Variants in PLXDC2 observed in about 807,000 individuals in gnomAD.
PLXDC2 encodes plexin domain containing 2.
A neutral mutation model predicts 68.9 loss-of-function variants in PLXDC2; 40 were observed. The observed-to-expected ratio is 0.58, with a 90% CI of 0.45 to 0.76. The LOEUF is 0.76. Ranked by LOEUF, PLXDC2 falls within the 30% of genes least tolerant of loss-of-function variation. The pLI, the probability that PLXDC2 is intolerant of heterozygous loss-of-function variation, is 0.00. For synonymous variants in PLXDC2, 243 were observed against 234.2 expected (o/e 1.04, Z -0.34); for missense variants, 644 against 661.9 (o/e 0.97, Z 0.30).
At chr10:20,054,120 G>C (rs555247573) in intron 3 of PLXDC2, among the ~76,000 whole-genome samples, 1 of 152,050 alleles carries the variant, frequency 6.6e-6, no homozygotes, top group Non-Finnish European at 1.5e-5. Context: ...GGAAAATTTG[G>C]CCAAGAGCAG....
At chr10:20,123,979 TGAA>T (rs1418336429) in intron 4 of PLXDC2, among the ~76,000 whole-genome samples, 1 of 148,784 alleles carries the variant, frequency 6.7e-6, no homozygotes, top group Admixed American at 6.7e-5. Flanking sequence ...CTGCTAAGGG[TGAA>T]GAAGAAGGGG....
At chr10:19,904,663 T>C (rs1838211451) in intron 1 of PLXDC2, among the ~76,000 whole-genome samples, 1 of 152,164 alleles carries the variant, frequency 6.6e-6, no homozygotes, top group Non-Finnish European at 1.5e-5. Flanking sequence ...TTCTCTTGGA[T>C]TTCTTGGTAT....
chr10:19,865,935 A>T (rs1440505704), intron 1 of PLXDC2, among the ~76,000 whole-genome samples: 1 of 152,134 alleles, frequency 6.6e-6, no homozygotes, highest in East Asian at 1.9e-4. Context: ...CCTGATTATT[A>T]TTTCAGCCAT....
chr10:20,136,478 C>T (rs936916268), intron 4 of PLXDC2, among the ~76,000 whole-genome samples: 1 of 152,130 alleles, frequency 6.6e-6, no homozygotes, highest in African/African-American at 2.4e-5. Flanking sequence ...AGCAACTTGT[C>T]CACCACCAAC....
At chr10:20,039,766 A>G (rs1027355148) in intron 2 of PLXDC2, among the ~76,000 whole-genome samples, 1 of 152,208 alleles carries the variant, frequency 6.6e-6, no homozygotes, top group African/African-American at 2.4e-5. Flanking sequence ...AATAATACAG[A>G]TGAGAGGGAG....
At chr10:19,888,521 G>A (rs1837889181) in intron 1 of PLXDC2, among the ~76,000 whole-genome samples, 1 of 152,054 alleles carries the variant, frequency 6.6e-6, no homozygotes, top group Non-Finnish European at 1.5e-5. Context: ...GGGAAGAAAA[G>A]CAAGTCAGTG....
chr10:20,089,475 T>G lies in PLXDC2; in HGVS notation c.541+21236T>G, dbSNP rs147492701. Among the ~76,000 whole-genome samples the G allele has an allele frequency of 3.7e-4, 56 of 152,030 alleles. 1 individual carries two copies. Among genetic ancestry groups the G allele is most frequent in the Non-Finnish European group, 7.2e-4 (49 of 67,956 alleles). ...TTGTCCCTAAGATTCATGGTGAGAG[T>G]TACTAAGAGAGAAGGCCAGGAAGAC... On this transcript the variant is annotated intron_variant, in intron 4 of 13. Transcript: ENST00000377252.
At chr10:19,977,745 G>A (rs1834483113) in intron 1 of PLXDC2, among the ~76,000 whole-genome samples, 1 of 152,036 alleles carries the variant, frequency 6.6e-6, no homozygotes, top group Non-Finnish European at 1.5e-5. Context: ...CAGAGGGGGT[G>A]GGGTGGGGAA....
intron 9 of PLXDC2, among the ~76,000 whole-genome samples, chr10:20,187,778 A>G (rs571998208): frequency 6.6e-6 from 1 of 152,042 alleles, no homozygotes; most frequent in African/African-American, 2.4e-5. Flanking sequence ...AAAAATCAGA[A>G]TCGATCTCGA....
intron 2 of PLXDC2, among the ~76,000 whole-genome samples, chr10:20,044,122 T>TCCTTCCTCCCTC (rs71388894): frequency 3.1e-4 from 31 of 99,770 alleles, no homozygotes; most frequent in African/African-American, 1.2e-3. Context: ...CTTCCTTCCT[T>TCCTTCCTCCCTC]CCTCCCTCCC....
At chr10:20,204,749 ATCTG>A (rs913419468) in intron 9 of PLXDC2, among the ~76,000 whole-genome samples, 3 of 152,160 alleles carry the variant, frequency 2.0e-5, no homozygotes, top group African/African-American at 7.2e-5. Context: ...TTACACATTT[ATCTG>A]TGTCTGTTTT....
chr10:20,059,448 A>T (rs1441799478), intron 3 of PLXDC2, among the ~76,000 whole-genome samples: 1 of 152,244 alleles, frequency 6.6e-6, no homozygotes, highest in Non-Finnish European at 1.5e-5. Flanking sequence ...GTGCACCACC[A>T]TCAGCTAATT....
At chr10:20,009,723 G>A (rs976687556) in intron 2 of PLXDC2, among the ~76,000 whole-genome samples, 2 of 149,170 alleles carry the variant, frequency 1.3e-5, no homozygotes, top group Non-Finnish European at 3.0e-5. Context: ...AAGATAGCCA[G>A]GTGTCAAGGT....
intron 1 of PLXDC2, among the ~76,000 whole-genome samples, chr10:19,860,922 C>T (rs757148834): frequency 4.6e-5 from 7 of 152,082 alleles, no homozygotes; most frequent in Non-Finnish European, 1.0e-4. Flanking sequence ...GGTAATTTTA[C>T]TTTCTCAACA....
chr10:19,833,941 A>G (rs1398022866), intron 1 of PLXDC2, among the ~76,000 whole-genome samples: 1 of 143,854 alleles, frequency 7.0e-6, no homozygotes, highest in Non-Finnish European at 1.5e-5. Context: ...GGCATTTCAT[A>G]TTTTGCTTTT....
chr10:19,987,630 C>T (rs1345611498), intron 1 of PLXDC2, among the ~76,000 whole-genome samples: 3 of 151,616 alleles, frequency 2.0e-5, no homozygotes, highest in East Asian at 3.9e-4. Context: ...GGCGCGATCT[C>T]GGCTCACTGC....
intron 6 of PLXDC2, among the ~76,000 whole-genome samples, chr10:20,154,613 G>A (rs147938912): frequency 5.3e-5 from 8 of 151,894 alleles, no homozygotes; most frequent in African/African-American, 1.7e-4. Flanking sequence ...TGAAATAAGG[G>A]TCTTTACAGG....
chr10:19,961,455 A>G (rs1194021356), intron 1 of PLXDC2, among the ~76,000 whole-genome samples: 1 of 152,230 alleles, frequency 6.6e-6, no homozygotes, highest in African/African-American at 2.4e-5. Context: ...GAAAGCTTGT[A>G]AGAAAAGAAA....
intron 1 of PLXDC2, among the ~76,000 whole-genome samples, chr10:19,820,475 C>CA (rs1250992498): frequency 6.4e-4 from 95 of 148,694 alleles, no homozygotes; most frequent in Middle Eastern, 3.4e-3. Flanking sequence ...ACTAAAAATA[C>CA]AAAAAAAAAT....
Sources: allele counts gnomAD v4.1 joint callset (sites outside exome capture counted in the v4.1 genomes callset), GRCh38; gene constraint gnomAD v4.1.1; transcripts MANE v1.5; gene names NCBI Gene and HGNC (gene_info 2026-07-23, HGNC 2026-07-21).